Variants in CAMSAP1 observed in about 807,000 individuals in gnomAD.
CAMSAP1 encodes the protein calmodulin-regulated spectrin-associated protein 1.
A neutral mutation model predicts 143.5 loss-of-function variants in CAMSAP1; 58 were observed. The observed-to-expected ratio is 0.40, with a 90% CI of 0.33 to 0.50. CAMSAP1 has a LOEUF of 0.50. Among genes scored for constraint, CAMSAP1 ranks in the 20% least tolerant of loss-of-function variants. CAMSAP1 has a pLI of 0.45. For synonymous variants in CAMSAP1, 945 were observed against 859.3 expected (o/e 1.10, Z -1.74); for missense variants, 1,969 against 2,115.7 (o/e 0.93, Z 1.36).
At chr9:135,884,289 G>A (rs1299487670) in intron 1 of CAMSAP1, among the ~76,000 whole-genome samples, 4 of 151,992 alleles carry the variant, frequency 2.6e-5, no homozygotes, top group Admixed American at 6.6e-5. Flanking sequence ...CTTGTGTTCC[G>A]AGCCAAGCTC....
At position 135,824,063 on chromosome 9, in the gene CAMSAP1, A is replaced by C; in HGVS notation, c.1316-29T>G. On this transcript the variant is annotated intron_variant, in intron 9 of 16. Transcript: ENST00000389532. This position sits in a 1 kb window ranked among gnomAD's most constrained non-coding sequence, Gnocchi z 4.1. ...CAGTACAGAGGAATTAGATAGTGTT[A>C]AGTAACCAATTTTCTATCACTTGAA... is the stretch of plus-strand genomic sequence containing the variant. 6.5e-7 allele frequency: 1 copy of C among 1,539,826 alleles called. No homozygotes were observed. Among genetic ancestry groups the C allele is most frequent in the Middle Eastern group, 1.7e-4 (1 of 5,972 alleles).
intron 4 of CAMSAP1, among the ~76,000 whole-genome samples, chr9:135,862,809 G>C (rs777309858): frequency 1.3e-5 from 2 of 152,140 alleles, no homozygotes; most frequent in Non-Finnish European, 2.9e-5. Context: ...CAAGGAGCTG[G>C]GCTTCATGGC....
At chr9:135,853,904 A>G (rs1836864598) in intron 5 of CAMSAP1, among the ~76,000 whole-genome samples, 1 of 152,270 alleles carries the variant, frequency 6.6e-6, no homozygotes, top group South Asian at 2.1e-4. Flanking sequence ...AGAAGGGGGC[A>G]GTGACTGCCC....
intron 16 of CAMSAP1, among the ~76,000 whole-genome samples, chr9:135,813,417 A>G (rs1835122510): frequency 6.6e-6 from 1 of 152,204 alleles, no homozygotes; most frequent in Non-Finnish European, 1.5e-5. Context: ...GTATTTTTTA[A>G]AAGAATCCAA....
At position 135,811,381 on chromosome 9, in the gene CAMSAP1, T is replaced by C. The variant is rs760452868; in HGVS notation, c.4737A>G (p.Ala1579=). 10 of 1,612,900 alleles carry C rather than the reference T, an allele frequency of 6.2e-6. 1 individual carries two copies. In the South Asian group the frequency reaches 1.1e-4, roughly 18 times the overall value. The change falls in exon 17 of 17, where the codon GCA becomes GCG. Residue 1579 remains alanine, a synonymous_variant. Transcript: ENST00000389532. This position sits in a 1 kb window ranked among gnomAD's most constrained non-coding sequence, Gnocchi z 4.9. The stretch of plus-strand genomic sequence containing the variant: ...GCCACAGGTGGTTGTGGATTGTGAG[T>C]GCGTCCACACTGACAGACATGGTTT... The part of the protein sequence containing the change: ...PAKTMSVSVD[A]LTIHNHLWQP...
rs763799927 is a variant in CAMSAP1 at position 135,883,011 on chromosome 9, C to A, written c.228G>T (p.Pro76=). The change falls in exon 2 of 17, where the codon CCG becomes CCT. Residue 76 remains proline, a synonymous_variant. Transcript: ENST00000389532. Reference sequence around the variant, plus strand: ...TGGACAGGAGAAGCTTGATAACAGGCGGCTTAATGTGCTCCTGCTCATACT... The same window carrying A: ...TGGACAGGAGAAGCTTGATAACAGGAGGCTTAATGTGCTCCTGCTCATACT... The part of the protein sequence containing the change: ...VDQYEQEHIK[P]PVIKLLLSSE... 1 of 1,551,576 alleles carries A rather than the reference C, an allele frequency of 6.4e-7. No individual in the cohort carries two copies. The highest frequency in any genetic ancestry group is 1.4e-5 in the African/African-American group (1 of 73,028).
chr9:135,879,143 G>A (rs1837848184), intron 3 of CAMSAP1, among the ~76,000 whole-genome samples: 1 of 152,140 alleles, frequency 6.6e-6, no homozygotes, highest in Non-Finnish European at 1.5e-5. Flanking sequence ...ATTGCCATTT[G>A]TCACAATCCT....
At chr9:135,902,927 C>T (rs937988911) in intron 1 of CAMSAP1, among the ~76,000 whole-genome samples, 1 of 152,182 alleles carries the variant, frequency 6.6e-6, no homozygotes, top group African/African-American at 2.4e-5. Context: ...CTTGGCTCTG[C>T]AAGCAAAAGG....
At chr9:135,844,614 C>G (rs1440433439) in intron 7 of CAMSAP1, among the ~76,000 whole-genome samples, 1 of 152,080 alleles carries the variant, frequency 6.6e-6, no homozygotes, top group Non-Finnish European at 1.5e-5. Context: ...ACAAACTAGA[C>G]TGCTAGCCAC....
intron 7 of CAMSAP1, among the ~76,000 whole-genome samples, chr9:135,830,087 G>A (rs1418744668): frequency 1.3e-5 from 2 of 151,586 alleles, no homozygotes; most frequent in Non-Finnish European, 2.9e-5. Flanking sequence ...AAAAAAGAAG[G>A]GAAAGCAAAA....
At chr9:135,891,331 G>A (rs1335624008) in intron 1 of CAMSAP1, among the ~76,000 whole-genome samples, 2 of 152,214 alleles carry the variant, frequency 1.3e-5, no homozygotes, top group African/African-American at 4.8e-5. Context: ...GAGGAAGAAG[G>A]TTCCTCGGAG....
chr9:135,851,010 C>T (rs959395680), intron 5 of CAMSAP1, among the ~76,000 whole-genome samples: 1 of 152,250 alleles, frequency 6.6e-6, no homozygotes, highest in Non-Finnish European at 1.5e-5. Flanking sequence ...GTGGCTATAG[C>T]ATCTGCAGGG....
chr9:135,900,154 C>A (rs1364092150), intron 1 of CAMSAP1, among the ~76,000 whole-genome samples: 1 of 151,934 alleles, frequency 6.6e-6, no homozygotes, highest in Non-Finnish European at 1.5e-5. Context: ...GCCTCCCAAG[C>A]AACTGGGACA....
At chr9:135,847,088 C>A (rs1836582214) in intron 7 of CAMSAP1, among the ~76,000 whole-genome samples, 1 of 152,038 alleles carries the variant, frequency 6.6e-6, no homozygotes, top group Non-Finnish European at 1.5e-5. Flanking sequence ...TGGCTCACAA[C>A]TGTAATCCCA....
intron 1 of CAMSAP1, among the ~76,000 whole-genome samples, chr9:135,904,436 C>T (rs896810824): frequency 6.7e-6 from 1 of 149,468 alleles, no homozygotes; most frequent in Non-Finnish European, 1.5e-5. Context: ...AAGAAAATTA[C>T]ACACGAGGCT....
Position 135,811,249 on chromosome 9 carries a change from C to T in CAMSAP1, c.*60G>A, listed in dbSNP as rs998500516. The T allele has an allele frequency of 5.1e-5, 79 of 1,549,770 alleles. No homozygotes were observed. The highest frequency in any genetic ancestry group is 6.5e-5 in the Non-Finnish European group (74 of 1,144,328). On this transcript the variant is annotated 3_prime_UTR_variant, in exon 17 of 17. Coordinates refer to ENST00000389532, the MANE Select transcript of CAMSAP1 (RefSeq NM_015447.4). This position sits in a 1 kb window ranked among gnomAD's most constrained non-coding sequence, Gnocchi z 4.9. ...GGACCCCGTGGCACCCTCTGGATGC[C>T]AGCCACAAGGGCATCATTTACGAGT...
At position 135,897,591 on chromosome 9, in the gene CAMSAP1, G is replaced by A. The variant is rs940048662; in HGVS notation, c.160+9409C>T. Among the ~76,000 whole-genome samples, 4 of 152,264 alleles carry A rather than the reference G, an allele frequency of 2.6e-5. No individual in the cohort carries two copies. In the East Asian group the frequency reaches 7.7e-4, roughly 29 times the overall value. On this transcript the variant is annotated intron_variant, in intron 1 of 16. Coordinates refer to ENST00000389532, the MANE Select transcript of CAMSAP1 (RefSeq NM_015447.4). Reference sequence around the variant, plus strand: ...AGCTTTAGGCTACTCCCAACCTTCTGACAATAGGTCAGACAGAGAACTATC... The same window carrying A: ...AGCTTTAGGCTACTCCCAACCTTCTAACAATAGGTCAGACAGAGAACTATC...
intron 1 of CAMSAP1, among the ~76,000 whole-genome samples, chr9:135,888,345 C>T (rs1402396054): frequency 2.0e-5 from 3 of 152,184 alleles, no homozygotes; most frequent in Non-Finnish European, 1.5e-5. Context: ...GGCACCTGCA[C>T]GGGGCTCGGG....
intron 1 of CAMSAP1, among the ~76,000 whole-genome samples, chr9:135,903,546 C>G (rs1003773297): frequency 6.6e-6 from 1 of 152,176 alleles, no homozygotes; most frequent in African/African-American, 2.4e-5. Context: ...CAATGGCAGA[C>G]TGGTGGCCCC....
Sources: gnomAD v4.1 joint callset for allele counts (sites outside exome capture counted in the v4.1 genomes callset) on GRCh38, gnomAD v4.1.1 for gene constraint, Gnocchi (gnomAD v3.1) non-coding constraint, MANE v1.5 for transcripts, NCBI Gene and HGNC (gene_info 2026-07-23, HGNC 2026-07-21) for gene names.